The following ACVR1 variants were observed in gnomAD, a reference collection of about 807,000 sequenced individuals.
ACVR1 encodes activin A receptor type 1, also known as activin receptor type-1.
In ACVR1, 38 loss-of-function variants were observed where a neutral mutation model predicts 57.1. The observed-to-expected ratio is 0.67, with a 90% CI of 0.51 to 0.87. The LOEUF is 0.87. Ranked by LOEUF, ACVR1 falls within the 40% of genes least tolerant of loss-of-function variation. The pLI is 0.00. For missense variants in ACVR1, 463 were observed against 638.2 expected (o/e 0.73, Z 2.96); for synonymous variants, 212 against 228.1 (o/e 0.93, Z 0.63).
At chr2:157,840,969 C>A (rs1048428760) in intron 1 of ACVR1, among the ~76,000 whole-genome samples, 1 of 152,258 alleles carries the variant, frequency 6.6e-6, no homozygotes, top group Non-Finnish European at 1.5e-5. Flanking sequence ...TATAAATAGC[C>A]TCCTGGCTGT....
chr2:157,751,005 T>A (rs1334888049), intron 9 of ACVR1, among the ~76,000 whole-genome samples: 1 of 151,950 alleles, frequency 6.6e-6, no homozygotes, highest in Non-Finnish European at 1.5e-5. Context: ...ACTCGCACCA[T>A]AAACCTTTGC....
At chr2:157,872,249 T>C (rs1690136931) in intron 1 of ACVR1, among the ~76,000 whole-genome samples, 1 of 152,230 alleles carries the variant, frequency 6.6e-6, no homozygotes, top group Non-Finnish European at 1.5e-5. Context: ...AATTAAAATT[T>C]CTGATGGCTT....
chr2:157,775,197 C>A (rs147172012), intron 5 of ACVR1, among the ~76,000 whole-genome samples: 71 of 152,284 alleles, frequency 4.7e-4, no homozygotes, highest in African/African-American at 1.7e-3. Flanking sequence ...TAATGTGAAT[C>A]ACTCACAAAT....
At position 157,812,338 on chromosome 2, in the gene ACVR1, C is replaced by T. The variant is rs546476751; in HGVS notation, c.-8+6047G>A. On this transcript the variant is annotated intron_variant, in intron 2 of 10. Transcript: ENST00000434821. ...AAAGAAAGGGCTGGAGGGGGAAACC[C>T]CAGGTTTAAGAGACTTACAAAACAT... 9.2e-5 allele frequency among the ~76,000 whole-genome samples: 14 copies of T among 152,130 alleles called. No homozygotes were observed. The South Asian group carries it at 2.9e-3, about 32-fold the overall frequency.
intron 9 of ACVR1, among the ~76,000 whole-genome samples, chr2:157,745,325 C>CA (rs1298848388): frequency 8.5e-5 from 13 of 152,286 alleles, no homozygotes; most frequent in Admixed American, 2.6e-4. Context: ...AGGAGCACCA[C>CA]AAGAGTTCCA....
rs1477527475 is a variant in ACVR1, at chr2:157,778,188, C to T, written c.486G>A (p.Val162=). The change falls in exon 5 of 11, where the codon GTG becomes GTA. Residue 162 remains valine, a synonymous_variant. Coordinates refer to ENST00000434821, the MANE Select transcript of ACVR1 (RefSeq NM_001111067.4). ...TGAGCCCTTCGATAGTGCCATACTCCACGTCTCGGGGATTGAGGCGTTCTT... is the reference window on the plus strand; with the variant it reads ...TGAGCCCTTCGATAGTGCCATACTCTACGTCTCGGGGATTGAGGCGTTCTT... The part of the protein sequence containing the change: ...RNQERLNPRD[V]EYGTIEGLIT... 1.2e-6 allele frequency: 2 copies of T among 1,613,910 alleles called. No homozygotes were observed.
At chr2:157,859,577 G>C (rs1689655456) in intron 1 of ACVR1, among the ~76,000 whole-genome samples, 1 of 152,018 alleles carries the variant, frequency 6.6e-6, no homozygotes, top group Non-Finnish European at 1.5e-5. Context: ...CCAGTAACAT[G>C]ATCATCATCT....
At chr2:157,813,878 C>T (rs1485831487) in intron 2 of ACVR1, among the ~76,000 whole-genome samples, 3 of 152,136 alleles carry the variant, frequency 2.0e-5, no homozygotes, top group African/African-American at 7.2e-5. Context: ...TCAGATGGAT[C>T]AAAGACTTCA....
intron 7 of ACVR1, among the ~76,000 whole-genome samples, chr2:157,767,623 A>T (rs1207615704): frequency 6.6e-6 from 1 of 152,198 alleles, no homozygotes; most frequent in Non-Finnish European, 1.5e-5. Flanking sequence ...AATGCTTTAT[A>T]CTTGCATAGT....
chr2:157,764,226 A>T (rs1685772847), intron 8 of ACVR1, among the ~76,000 whole-genome samples: 1 of 152,126 alleles, frequency 6.6e-6, no homozygotes, highest in South Asian at 2.1e-4. Flanking sequence ...TCTGTCGCCC[A>T]GGCTGGAGTG....
At chr2:157,813,191 GA>G (rs903899706) in intron 2 of ACVR1, among the ~76,000 whole-genome samples, 1,566 of 140,252 alleles carry the variant, frequency 0.011, 29 homozygotes, top group African/African-American at 0.038. Flanking sequence ...CCATGAAAAA[GA>G]AAAAAAAAAA....
chr2:157,845,099 G>A (rs1275053413), intron 1 of ACVR1, among the ~76,000 whole-genome samples: 2 of 152,192 alleles, frequency 1.3e-5, no homozygotes, highest in African/African-American at 2.4e-5. Flanking sequence ...TCCAAAAATA[G>A]TAAGATAGAG....
In ACVR1 at chr2:157,778,274, C is replaced by T. The variant is rs765195676; in HGVS notation, c.400G>A (p.Ala134Thr). 2.5e-6 allele frequency: 4 copies of T among 1,613,974 alleles called. No individual in the cohort carries two copies. Among genetic ancestry groups the T allele is most frequent in the South Asian group, 1.1e-5 (1 of 91,060 alleles). ...AGCAGGCAGGCTAAAAGACATACTGCGAACACTACAGAGAGAATAATGAGG... is the reference window on the plus strand; with the variant it reads ...AGCAGGCAGGCTAAAAGACATACTGTGAACACTACAGAGAGAATAATGAGG... ...VGLIILSVVF[A>T]VCLLACLLGV... The change falls in exon 5 of 11, where the codon GCA (alanine) becomes ACA (threonine). Residue 134 changes from alanine to threonine, a missense_variant. By Grantham distance (58) the Ala-to-Thr change is moderately conservative. Transcript: ENST00000434821.
intron 1 of ACVR1, among the ~76,000 whole-genome samples, chr2:157,845,378 C>T (rs778067707): frequency 5.9e-5 from 9 of 152,082 alleles, no homozygotes; most frequent in Non-Finnish European, 1.0e-4. Flanking sequence ...TTATGAGAGA[C>T]GCATGGAGAG....
At chr2:157,813,543 G>C (rs1687827574) in intron 2 of ACVR1, among the ~76,000 whole-genome samples, 1 of 152,144 alleles carries the variant, frequency 6.6e-6, no homozygotes, top group African/African-American at 2.4e-5. Flanking sequence ...TGCCGTTTCT[G>C]ATCACTAGCC....
chr2:157,837,768 C>A (rs1438679136), intron 1 of ACVR1, among the ~76,000 whole-genome samples: 1 of 151,956 alleles, frequency 6.6e-6, no homozygotes, highest in African/African-American at 2.4e-5. Context: ...TTAAGAGGGG[C>A]TCATCAAGGA....
At chr2:157,829,998 C>G (rs1183106021) in intron 1 of ACVR1, among the ~76,000 whole-genome samples, 2 of 152,166 alleles carry the variant, frequency 1.3e-5, no homozygotes, top group Non-Finnish European at 2.9e-5. Flanking sequence ...GCAGGTGGAT[C>G]ACCTGAAGTC....
chr2:157,789,217 G>C lies in ACVR1; in HGVS notation c.68-8617C>G, dbSNP rs144832729. ...GCTCCAGGTGCCTACACTCCAGGTA[G>C]AAACAGAAAGCATCTCATTTGAGTG... is the stretch of plus-strand genomic sequence containing the variant. On this transcript the variant is annotated intron_variant, in intron 3 of 10. Transcript: ENST00000434821. Among the ~76,000 whole-genome samples, 987 of 152,294 alleles carry C rather than the reference G, an allele frequency of 6.5e-3. 9 individuals carry two copies. The highest frequency in any genetic ancestry group is 0.022 in the African/African-American group (922 of 41,562).
intron 9 of ACVR1, among the ~76,000 whole-genome samples, chr2:157,759,078 T>A (rs778975534): frequency 1.3e-5 from 2 of 151,910 alleles, no homozygotes; most frequent in Non-Finnish European, 2.9e-5. Context: ...AAGATGGGCC[T>A]CAAGGAACTA....
Sources: allele counts gnomAD v4.1 joint callset (sites outside exome capture counted in the v4.1 genomes callset), GRCh38; gene constraint gnomAD v4.1.1; transcripts MANE v1.5; gene names NCBI Gene and HGNC (gene_info 2026-07-23, HGNC 2026-07-21).